The following CD163L1 variants were observed in gnomAD, a reference collection of about 807,000 sequenced individuals.
The protein encoded by CD163L1 is CD163 molecule like 1.
In CD163L1, 124 loss-of-function variants were observed where a neutral mutation model predicts 165.4. That is an observed-to-expected ratio of 0.75 (90% CI 0.65 to 0.87). The LOEUF (loss-of-function observed/expected upper bound fraction) is 0.87. Ranked by LOEUF, CD163L1 falls within the 40% of genes least tolerant of loss-of-function variation. The probability of loss-of-function intolerance (pLI) is 0.00; values close to 1 mark genes in which losing one functional copy is unlikely to be tolerated. For missense variants in CD163L1, 1,525 were observed against 1,799.9 expected, an observed-to-expected ratio of 0.85 and a Z score of 2.76; for synonymous variants, 585 against 662.2, an observed-to-expected ratio of 0.88 and a Z score of 1.79.
rs138979050 is a variant in CD163L1, at chr12:7,375,768, A to C, written c.2618T>G (p.Leu873Ter). 6.2e-7 allele frequency: 1 copy of C among 1,614,220 alleles called. No homozygotes were observed. Among genetic ancestry groups the C allele is most frequent in the Non-Finnish European group, 8.5e-7 (1 of 1,180,040 alleles). Residue 873 changes from leucine to a stop codon, truncating the protein, a stop_gained, in exon 10 of 20, where the codon TTA (leucine) becomes TGA (stop). Coordinates refer to ENST00000313599, the MANE Select transcript of CD163L1 (RefSeq NM_174941.6). LOFTEE classifies it high-confidence loss of function. ...QCEGSETHLA[L>*]CPIVQHPEDT... ...TTCCGGATGTTGAACAATGGGGCAT[A>C]ATGCAAGGTGAGTTTCACTCCCTTC...
At chr12:7,318,785 C>A in the CD163L1 span, among the ~76,000 whole-genome samples, 322 of 152,206 alleles carry the variant, frequency 2.1e-3, 8 homozygotes, top group East Asian at 0.05. Flanking sequence ...TCAACCATGG[C>A]AAATTTATTA....
chr12:7,380,140 C>T (rs1194277303), intron 8 of CD163L1, among the ~76,000 whole-genome samples: 1 of 151,996 alleles, frequency 6.6e-6, no homozygotes, highest in Non-Finnish European at 1.5e-5. Context: ...TACTAGGTAT[C>T]TACCCAGAGG....
rs765189788 is a variant in CD163L1, at chr12:7,373,650, A to G, written c.3410-10T>C. On this transcript the variant is annotated splice_polypyrimidine_tract_variant and intron_variant, in intron 13 of 19. Transcript: ENST00000313599. ...CTCAAGGCTGTGAATTCTACAGAGA[A>G]ATACAAAACTTAGTATTAAATATTT... The G allele has an allele frequency of 3.9e-6, 6 of 1,556,284 alleles. No homozygotes were observed. The highest frequency in any genetic ancestry group is 5.2e-6 in the Non-Finnish European group (6 of 1,150,658).
Position 7,374,378 on chromosome 12 carries a change from T to C in CD163L1, c.3409+64A>G. 6.8e-7 allele frequency: 1 copy of C among 1,478,194 alleles called. No homozygotes were observed. 91.6% of individuals were successfully genotyped at this position (1,478,194 alleles called of 1,614,324 possible). Reference sequence around the variant, plus strand: ...CACTTTTCACTACACTTTACAATTGTGTTGTGTGTGTGCAAGTGTGTGCAC... The same window carrying C: ...CACTTTTCACTACACTTTACAATTGCGTTGTGTGTGTGCAAGTGTGTGCAC... On this transcript the variant is annotated intron_variant, in intron 13 of 19. Coordinates refer to ENST00000313599, the MANE Select transcript of CD163L1 (RefSeq NM_174941.6). The surrounding 1 kb of genome is among the most constrained non-coding windows in gnomAD (Gnocchi z 5.4).
downstream of CD163L1, among the ~76,000 whole-genome samples, chr12:7,351,180 G>GAT (rs768176243): frequency 1.1e-4 from 16 of 151,956 alleles, no homozygotes; most frequent in South Asian, 2.1e-4. Context: ...AATACATATA[G>GAT]ATATATATAT....
chr12:7,407,457 T>G (rs1435960396), intron 4 of CD163L1, among the ~76,000 whole-genome samples: 1 of 151,986 alleles, frequency 6.6e-6, no homozygotes, highest in Admixed American at 6.6e-5. Context: ...AGCCATAAAT[T>G]ATGGGCTTGT....
intron 4 of CD163L1, among the ~76,000 whole-genome samples, chr12:7,414,411 A>G (rs1198871337): frequency 6.6e-6 from 1 of 152,194 alleles, no homozygotes; most frequent in African/African-American, 2.4e-5. Flanking sequence ...ACTTGAAATT[A>G]ATCAGTCAGA....
chr12:7,439,935 G>A (rs776872962), intron 2 of CD163L1: 1 of 1,592,498 alleles, frequency 6.3e-7, no homozygotes, highest in Non-Finnish European at 8.6e-7. Context: ...CAGTGCTGTC[G>A]GCAGCTGACA....
At chr12:7,436,845 A>C (rs1271603160) in intron 2 of CD163L1, among the ~76,000 whole-genome samples, 2 of 152,064 alleles carry the variant, frequency 1.3e-5, no homozygotes, top group Non-Finnish European at 2.9e-5. Flanking sequence ...AATTACTGAA[A>C]TACAAAGCAA....
At chr12:7,382,228 C>A (rs1947426632) in intron 8 of CD163L1, among the ~76,000 whole-genome samples, 1 of 151,862 alleles carries the variant, frequency 6.6e-6, no homozygotes, top group Non-Finnish European at 1.5e-5. Flanking sequence ...GTTCAGGAAT[C>A]CTCAACTCTC....
intron 4 of CD163L1, among the ~76,000 whole-genome samples, chr12:7,408,134 TTGTC>T (rs1484393727): frequency 1.1e-4 from 17 of 152,010 alleles, no homozygotes; most frequent in Non-Finnish European, 1.3e-4. Flanking sequence ...CAAGAATACA[TTGTC>T]TGTCTGTCTC....
the CD163L1 span, among the ~76,000 whole-genome samples, chr12:7,332,166 T>A: frequency 1.3e-5 from 2 of 152,006 alleles, no homozygotes; most frequent in African/African-American, 4.8e-5. Context: ...TACAATCAAC[T>A]GGAAGAAAGG....
chr12:7,409,643 C>T (rs780422962), intron 4 of CD163L1, among the ~76,000 whole-genome samples: 10 of 152,270 alleles, frequency 6.6e-5, no homozygotes, highest in East Asian at 5.8e-4. Context: ...CCTAACATAC[C>T]GTGACCGGTA....
At chr12:7,382,682 G>A (rs1947436681) in intron 8 of CD163L1, among the ~76,000 whole-genome samples, 1 of 152,164 alleles carries the variant, frequency 6.6e-6, no homozygotes, top group African/African-American at 2.4e-5. Context: ...TTCCAGAGGG[G>A]GAGTTTGTGC....
At position 7,369,513 on chromosome 12, in the gene CD163L1, C is replaced by A; in HGVS notation, c.3883G>T (p.Ala1295Ser). ...QQLGCGSALA[A>S]LRDASFGQGT... ...TGGCCAAACGAAGCGTCCCTCAGGG[C>A]AGCCAGAGCAGAGCCACAGCCCAGC... The change falls in exon 15 of 20, where the codon GCC (alanine) becomes TCC (serine). Residue 1295 changes from alanine to serine, a missense_variant. Physicochemically the swap from Ala to Ser is moderately conservative, Grantham distance 99. Coordinates refer to ENST00000313599, the MANE Select transcript of CD163L1 (RefSeq NM_174941.6). The surrounding 1 kb of genome is among the most constrained non-coding windows in gnomAD (Gnocchi z 4.9). 6.2e-7 allele frequency: 1 copy of A among 1,614,190 alleles called. No homozygotes were observed. Among genetic ancestry groups the A allele is most frequent in the South Asian group, 1.1e-5 (1 of 91,082 alleles).
the CD163L1 span, chr12:7,326,933 C>A: frequency 1.3e-6 from 2 of 1,543,752 alleles, no homozygotes; most frequent in African/African-American, 1.4e-5. Flanking sequence ...CTTGATGTGT[C>A]TGAAAAACAA....
At chr12:7,407,994 C>T (rs2136537447) in intron 4 of CD163L1, among the ~76,000 whole-genome samples, 1 of 151,962 alleles carries the variant, frequency 6.6e-6, no homozygotes, top group East Asian at 1.9e-4. Context: ...TTGGTTGACT[C>T]CATGGATATG....
At chr12:7,343,106 G>A (rs761182829), downstream of CD163L1, among the ~76,000 whole-genome samples, 16 of 152,148 alleles carry the variant, frequency 1.1e-4, no homozygotes, top group South Asian at 3.3e-3. Context: ...AGAGAGAGGT[G>A]GAGGAAGAGA....
intron 2 of CD163L1, chr12:7,438,732 C>G: frequency 9.5e-7 from 1 of 1,048,844 alleles, no homozygotes; most frequent in Non-Finnish European, 1.4e-6. Context: ...TGTGAAATGT[C>G]TTGGCCACTC....
Sources: allele counts gnomAD v4.1 joint callset (sites outside exome capture counted in the v4.1 genomes callset), GRCh38; gene constraint gnomAD v4.1.1; non-coding constraint Gnocchi (gnomAD v3.1); transcripts MANE v1.5; gene names NCBI Gene and HGNC (gene_info 2026-07-23, HGNC 2026-07-21).